MALRD1: variants seen among roughly 807,000 people sequenced by gnomAD.
MALRD1 encodes the protein MAM and LDL-receptor class A domain-containing protein 1.
MALRD1 carries 247 observed loss-of-function variants against 242.1 expected under a neutral mutation model. The ratio of observed to expected loss-of-function variants is 1.02; its 90% CI spans 0.92 to 1.13. The LOEUF is 1.13. Among genes scored for constraint, MALRD1 ranks in the 50% most tolerant of loss-of-function variants. The probability of loss-of-function intolerance (pLI) is 0.00; values close to 1 mark genes in which losing one functional copy is unlikely to be tolerated. For missense variants in MALRD1, 2,989 were observed against 2,533.1 expected, an observed-to-expected ratio of 1.18 and a Z score of -3.86; for synonymous variants, 995 against 866.6, an observed-to-expected ratio of 1.15 and a Z score of -2.60.
At chr10:19,320,402 A>C (rs1299406318) in intron 21 of MALRD1, among the ~76,000 whole-genome samples, 3 of 152,072 alleles carry the variant, frequency 2.0e-5, no homozygotes, top group Non-Finnish European at 4.4e-5. Flanking sequence ...ACATGAACTC[A>C]TTCTTTTTTA....
intron 20 of MALRD1, 76 bp downstream of exon 20, chr10:19,280,299 C>A: frequency 8.8e-7 from 1 of 1,138,816 alleles, no homozygotes; most frequent in Non-Finnish European, 1.2e-6. Context: ...AGTAGCACAG[C>A]CTAGCATCAT....
chr10:19,409,534 G>A (rs566469263), intron 28 of MALRD1, among the ~76,000 whole-genome samples: 2 of 152,250 alleles, frequency 1.3e-5, no homozygotes, highest in African/African-American at 4.8e-5. Flanking sequence ...TAGGAGAAAA[G>A]CAGGTACAGC....
rs1443572202 is a variant in MALRD1 at position 19,498,537 on chromosome 10, C to A, written c.5211C>A (p.Asn1737Lys). 6.5e-7 allele frequency: 1 copy of A among 1,550,280 alleles called. No homozygotes were observed. The highest frequency in any genetic ancestry group is 1.4e-5 in the African/African-American group (1 of 73,034). Residue 1737 changes from asparagine (N) to lysine (K), a missense_variant, in exon 31 of 40, where the codon AAC becomes AAA. Physicochemically the swap from Asn to Lys is moderately conservative, Grantham distance 94. Transcript: ENST00000454679. Reference protein sequence around the residue: ...GSCNFETSSGNWTTACSLTQD... With the variant: ...GSCNFETSSGKWTTACSLTQD... The stretch of plus-strand genomic sequence containing the variant: ...GCAATTTTGAAACAAGTTCAGGAAA[C>A]TGGACCACAGCCTGCAGTCTTACTC...
intron 18 of MALRD1, among the ~76,000 whole-genome samples, chr10:19,234,865 C>T (rs763632910): frequency 1.7e-4 from 26 of 152,024 alleles, no homozygotes; most frequent in Non-Finnish European, 2.8e-4. Flanking sequence ...GGAGGTGTCA[C>T]GGAAGGTGTT....
intron 18 of MALRD1, among the ~76,000 whole-genome samples, chr10:19,220,472 A>T (rs1664000168): frequency 6.6e-6 from 1 of 152,236 alleles, no homozygotes; most frequent in African/African-American, 2.4e-5. Context: ...ACGTCCAGGT[A>T]TATAAAGAAA....
chr10:19,672,865 T>C (rs181861677), intron 36 of MALRD1, among the ~76,000 whole-genome samples: 2 of 152,258 alleles, frequency 1.3e-5, no homozygotes, highest in East Asian at 3.9e-4. Flanking sequence ...CTTAAGAGAC[T>C]CTTCATTAAT....
At chr10:19,654,337 G>A (rs1050288676) in intron 36 of MALRD1, among the ~76,000 whole-genome samples, 2 of 152,100 alleles carry the variant, frequency 1.3e-5, no homozygotes, top group East Asian at 1.9e-4. Context: ...AGCAGAACAC[G>A]TTTAACCAAA....
intron 35 of MALRD1, among the ~76,000 whole-genome samples, chr10:19,614,266 C>T (rs10827646): frequency 0.79 from 119,296 of 151,884 alleles, 48,901 homozygotes; most frequent in Non-Finnish European, 0.9. Context: ...AGAAGAGCAA[C>T]TGGGCTCCTG....
intron 4 of MALRD1, among the ~76,000 whole-genome samples, chr10:19,088,595 T>A (rs1415117537): frequency 4.0e-5 from 5 of 125,736 alleles, no homozygotes; most frequent in Admixed American, 1.6e-4. Flanking sequence ...ATTTATTTTT[T>A]TTTATTATAC....
chr10:19,511,791 A>G (rs1203889309), intron 31 of MALRD1, among the ~76,000 whole-genome samples: 1 of 152,222 alleles, frequency 6.6e-6, no homozygotes, highest in East Asian at 1.9e-4. Flanking sequence ...GTTATCAACT[A>G]TGAAATCTTG....
At chr10:19,119,694 C>A (rs1266552030) in intron 5 of MALRD1, among the ~76,000 whole-genome samples, 2 of 152,186 alleles carry the variant, frequency 1.3e-5, no homozygotes, top group African/African-American at 4.8e-5. Flanking sequence ...TAGCCTCCAG[C>A]TGCATGACTC....
At chr10:19,644,370 C>T (rs1430331086) in intron 36 of MALRD1, among the ~76,000 whole-genome samples, 1 of 152,210 alleles carries the variant, frequency 6.6e-6, no homozygotes, top group Non-Finnish European at 1.5e-5. Context: ...TTGAAAGAGA[C>T]ATTAACGTTG....
intron 34 of MALRD1, among the ~76,000 whole-genome samples, chr10:19,603,600 T>C (rs11010662): frequency 0.045 from 6,875 of 152,296 alleles, 247 homozygotes; most frequent in Middle Eastern, 0.11. Flanking sequence ...ACTATAGCCT[T>C]GTAGTATAGT....
At position 19,352,110 on chromosome 10, in the gene MALRD1, A is replaced by G; in HGVS notation, c.4254A>G (p.Glu1418=). The change falls in exon 26 of 40, where the codon GAA becomes GAG. Residue 1418 remains glutamate (E), a synonymous_variant. Transcript: ENST00000454679. ...QTKVLLNLTV[E]QGNFWRREEL... The stretch of plus-strand genomic sequence containing the variant: ...AGGTTCTACTTAACCTCACTGTAGA[A>G]CAAGGCAATTTCTGGCGGAGAGAAG... 2 of 1,550,576 alleles carry G rather than the reference A, an allele frequency of 1.3e-6. No individual in the cohort carries two copies. Among genetic ancestry groups the G allele is most frequent in the African/African-American group, 1.4e-5 (1 of 73,156 alleles).
At chr10:19,705,892 A>G (rs1394489904) in intron 38 of MALRD1, among the ~76,000 whole-genome samples, 1 of 151,352 alleles carries the variant, frequency 6.6e-6, no homozygotes, top group Non-Finnish European at 1.5e-5. Flanking sequence ...CCCAGAAAAC[A>G]TTCTACCCCT....
chr10:19,275,647 C>G (rs762218507), intron 19 of MALRD1, among the ~76,000 whole-genome samples: 36 of 151,380 alleles, frequency 2.4e-4, no homozygotes, highest in Non-Finnish European at 4.4e-5. Context: ...CCAGCCTGGG[C>G]GACAGAGCGA....
intron 38 of MALRD1, among the ~76,000 whole-genome samples, chr10:19,715,759 A>G (rs1834353937): frequency 6.6e-6 from 1 of 152,218 alleles, no homozygotes; most frequent in Non-Finnish European, 1.5e-5. Flanking sequence ...GCAACTTACA[A>G]TCATGGCGGA....
At chr10:19,217,169 G>A (rs572622355) in intron 18 of MALRD1, among the ~76,000 whole-genome samples, 1 of 151,984 alleles carries the variant, frequency 6.6e-6, no homozygotes, top group Admixed American at 6.5e-5. Flanking sequence ...ATGCAAACCT[G>A]GTCTTAGTAT....
chr10:19,434,793 A>G (rs1229448872), intron 28 of MALRD1, among the ~76,000 whole-genome samples: 1 of 152,024 alleles, frequency 6.6e-6, no homozygotes, highest in Non-Finnish European at 1.5e-5. Context: ...ACACATGTAT[A>G]AAATGATTTT....
Sources: allele counts gnomAD v4.1 joint callset (sites outside exome capture counted in the v4.1 genomes callset), GRCh38; gene constraint gnomAD v4.1.1; transcripts MANE v1.5; gene names NCBI Gene and HGNC (gene_info 2026-07-23, HGNC 2026-07-21).